DNAH7: variants seen among roughly 807,000 people sequenced by gnomAD.
DNAH7 encodes axonemal beta dynein heavy chain 7.
DNAH7 carries 397 observed loss-of-function variants against 444.6 expected under a neutral mutation model. The observed-to-expected ratio is 0.89, with a 90% CI of 0.82 to 0.97. The LOEUF is 0.97. Ranked by LOEUF, DNAH7 falls within the 50% of genes least tolerant of loss-of-function variation. DNAH7 has a pLI of 0.00. For synonymous variants in DNAH7, 1,636 were observed against 1,624.4 expected (o/e 1.01, Z -0.17); for missense variants, 4,902 against 4,800.8 (o/e 1.02, Z -0.62).
chr2:195,984,297 G>A (rs984037889), intron 15 of DNAH7, among the ~76,000 whole-genome samples: 3 of 152,192 alleles, frequency 2.0e-5, no homozygotes, highest in African/African-American at 7.2e-5. Context: ...TTACCAAACT[G>A]CAAACTCATG....
intron 21 of DNAH7, among the ~76,000 whole-genome samples, chr2:195,931,694 T>G (rs1425303931): frequency 7.0e-4 from 106 of 152,262 alleles, no homozygotes; most frequent in Admixed American, 2.0e-3. Flanking sequence ...TTTCCCAATT[T>G]CTTGTTTTTG....
chr2:195,974,348 C>T (rs1413438311), intron 15 of DNAH7, among the ~76,000 whole-genome samples: 1 of 152,072 alleles, frequency 6.6e-6, no homozygotes, highest in Non-Finnish European at 1.5e-5. Flanking sequence ...ATTTTTATTT[C>T]CCCTTACTGA....
chr2:195,904,667 T>C (rs1686906640), intron 27 of DNAH7: 2 of 152,206 alleles, frequency 1.3e-5, no homozygotes, highest in African/African-American at 2.4e-5. Context: ...AAGTGAACTA[T>C]TGCAATAAGA....
intron 2 of DNAH7, 111 bp downstream of exon 2, chr2:196,057,943 A>G (rs1387750689): frequency 7.1e-6 from 6 of 846,828 alleles, no homozygotes; most frequent in Admixed American, 6.2e-5. Context: ...TGGAATTTAA[A>G]ATTGTATAAA....
chr2:195,822,888 T>C (rs1049450051), intron 49 of DNAH7, among the ~76,000 whole-genome samples: 7 of 152,256 alleles, frequency 4.6e-5, no homozygotes, highest in Admixed American at 3.9e-4. Context: ...TATTTAAATG[T>C]TAAATAATAT....
intron 24 of DNAH7, among the ~76,000 whole-genome samples, chr2:195,910,643 AT>A (rs920620811): frequency 6.6e-6 from 1 of 152,202 alleles, no homozygotes; most frequent in African/African-American, 2.4e-5. Flanking sequence ...GGATCAGTAT[AT>A]AAATAAATGA....
Position 195,970,056 on chromosome 2 carries a change from A to G in DNAH7, c.2097T>C (p.Tyr699=), listed in dbSNP as rs754483430. ...AATAAAATTCTTCTGATTGCTTAGCATAACTCTCCAATTCCTCCACAAACC... is the reference window on the plus strand; with the variant it reads ...AATAAAATTCTTCTGATTGCTTAGCGTAACTCTCCAATTCCTCCACAAACC... ...CERFVEELES[Y]AKQSEEFYSF... is the part of the protein sequence containing the mutation. The change falls in exon 17 of 65, where the codon TAT becomes TAC. Residue 699 remains tyrosine (Y), a synonymous_variant. Transcript: ENST00000312428. The G allele has an allele frequency of 6.2e-7, 1 of 1,612,778 alleles. No individual in the cohort carries two copies. Among genetic ancestry groups the G allele is most frequent in the Non-Finnish European group, 8.5e-7 (1 of 1,179,584 alleles).
chr2:195,740,896 T>C, intron 63 of DNAH7, 27 bp from the exon 64 acceptor site: 1 of 1,389,780 alleles, frequency 7.2e-7, no homozygotes, highest in Non-Finnish European at 9.8e-7. Flanking sequence ...CACATTAATA[T>C]AACACTTGAA....
At chr2:195,900,059 G>A (rs911302962) in intron 28 of DNAH7, among the ~76,000 whole-genome samples, 6 of 152,046 alleles carry the variant, frequency 3.9e-5, no homozygotes, top group South Asian at 2.1e-4. Context: ...GTAGTACCCC[G>A]TTAATGAAAC....
intron 19 of DNAH7, among the ~76,000 whole-genome samples, chr2:195,939,567 T>A (rs1051003448): frequency 6.6e-6 from 1 of 152,240 alleles, no homozygotes; most frequent in Non-Finnish European, 1.5e-5. Context: ...GAAATTTGAA[T>A]CTTAGTATGA....
chr2:195,864,129 T>TA lies in DNAH7; in HGVS notation c.7506+19dup, dbSNP rs762424974. The TA allele has an allele frequency of 2.5e-6, 4 of 1,598,652 alleles. No individual in the cohort carries two copies. The African/African-American group carries it at 5.4e-5, about 21-fold the overall frequency. Reference sequence around the variant, plus strand: ...AATTCAACATTTCTAGAAGTCTATCTAAAATGTACATGACAATACCTGAAA... The same window carrying TA: ...AATTCAACATTTCTAGAAGTCTATCTAAAAATGTACATGACAATACCTGAAA... On this transcript the variant is annotated intron_variant, in intron 41 of 64. Coordinates refer to ENST00000312428, the MANE Select transcript of DNAH7 (RefSeq NM_018897.3).
chr2:195,860,039 C>CT (rs972149828), intron 42 of DNAH7, among the ~76,000 whole-genome samples: 20 of 150,790 alleles, frequency 1.3e-4, no homozygotes, highest in South Asian at 4.3e-4. Flanking sequence ...AATTTAATAT[C>CT]TTTTTTTTTC....
rs775961990 is a variant in DNAH7, at chr2:195,806,838, A to G, written c.10084-6T>C. The G allele has an allele frequency of 6.2e-7, 1 of 1,607,780 alleles. No homozygotes were observed. Among genetic ancestry groups the G allele is most frequent in the Admixed American group, 1.7e-5 (1 of 59,940 alleles). On this transcript the variant is annotated splice_region_variant and splice_polypyrimidine_tract_variant and intron_variant, in intron 53 of 64. Transcript: ENST00000312428. Reference sequence around the variant, plus strand: ...AAAACCTCATGGTGTGGTTCCTAAAATTACAGTGTAAATAATTCAGTTATT... The same window carrying G: ...AAAACCTCATGGTGTGGTTCCTAAAGTTACAGTGTAAATAATTCAGTTATT...
At position 195,737,707 on chromosome 2, in the gene DNAH7, A is replaced by C. The variant is rs890198735; in HGVS notation, c.*214T>G. 3 of 444,192 alleles carry C rather than the reference A, an allele frequency of 6.8e-6. No homozygotes were observed. The highest frequency in any genetic ancestry group is 4.3e-5 in the African/African-American group (2 of 46,530). The allele number at this position is 444,192 out of a possible 1,614,324, so 27.5% of individuals were successfully genotyped here. On this transcript the variant is annotated 3_prime_UTR_variant, in exon 65 of 65. Coordinates refer to ENST00000312428, the MANE Select transcript of DNAH7 (RefSeq NM_018897.3). The stretch of plus-strand genomic sequence containing the variant: ...GTTACTCAAAGAGAGCAAATATGCC[A>C]GTGTGTTTTCTTTAGTCTTTATTTC...
Position 196,033,058 on chromosome 2 carries a change from A to T in DNAH7, c.399-5011T>A, listed in dbSNP as rs1391250457. ...AGCATTTAACAAAAATCCAGGATTCATTCATGATAAAATCTCTCAACAAAT... is the reference window on the plus strand; with the variant it reads ...AGCATTTAACAAAAATCCAGGATTCTTTCATGATAAAATCTCTCAACAAAT... On this transcript the variant is annotated intron_variant, in intron 5 of 64. Coordinates refer to ENST00000312428, the MANE Select transcript of DNAH7 (RefSeq NM_018897.3). 2.6e-5 allele frequency among the ~76,000 whole-genome samples: 4 copies of T among 152,208 alleles called. No homozygotes were observed. The East Asian group carries it at 7.7e-4, about 29-fold the overall frequency.
chr2:196,056,894 A>C (rs1307830993), intron 2 of DNAH7, among the ~76,000 whole-genome samples: 2 of 152,244 alleles, frequency 1.3e-5, no homozygotes, highest in East Asian at 3.9e-4. Context: ...TCATTGTTCA[A>C]CTCTAATCTT....
At chr2:195,788,552 A>T (rs1187451209) in intron 57 of DNAH7, among the ~76,000 whole-genome samples, 1 of 152,216 alleles carries the variant, frequency 6.6e-6, no homozygotes, top group Admixed American at 6.5e-5. Flanking sequence ...TCCCTCACAG[A>T]ATAACTTTGA....
chr2:195,993,107 A>G (rs1693458300), intron 12 of DNAH7, among the ~76,000 whole-genome samples: 1 of 152,188 alleles, frequency 6.6e-6, no homozygotes, highest in Non-Finnish European at 1.5e-5. Context: ...GAGGTGTGGG[A>G]AGCACAAGGA....
chr2:195,891,515 G>A, intron 31 of DNAH7, 140 bp downstream of exon 31: 4 of 739,076 alleles, frequency 5.4e-6, no homozygotes, highest in Non-Finnish European at 7.6e-6. Context: ...CAGAAATACT[G>A]CCAGAATATC....
Sources: allele counts gnomAD v4.1 joint callset (sites outside exome capture counted in the v4.1 genomes callset), GRCh38; gene constraint gnomAD v4.1.1; transcripts MANE v1.5; gene names NCBI Gene and HGNC (gene_info 2026-07-23, HGNC 2026-07-21).